The following NCKAP5 variants were observed in gnomAD, a reference collection of about 807,000 sequenced individuals.
NCKAP5 encodes nck-associated protein 5.
Under a neutral mutation model 167.0 loss-of-function variants are expected in NCKAP5, and 92 were observed. The observed-to-expected ratio is 0.55, with a 90% CI of 0.47 to 0.66. The LOEUF (loss-of-function observed/expected upper bound fraction) is 0.66. Ranked by LOEUF, NCKAP5 falls within the 30% of genes least tolerant of loss-of-function variation. The probability of loss-of-function intolerance (pLI) is 0.00; values close to 1 mark genes in which losing one functional copy is unlikely to be tolerated. For synonymous variants in NCKAP5, 891 were observed against 877.4 expected, an observed-to-expected ratio of 1.02 and a Z score of -0.27; for missense variants, 2,378 against 2,315.0, an observed-to-expected ratio of 1.03 and a Z score of -0.56.
intron 8 of NCKAP5, among the ~76,000 whole-genome samples, chr2:132,920,779 A>ATGTG (rs1227435162): frequency 4.2e-4 from 8 of 18,846 alleles, no homozygotes; most frequent in South Asian, 1.4e-3. Flanking sequence ...ATGTATATAT[A>ATGTG]TATATATATA....
chr2:132,750,769 G>C (rs1388492046), intron 16 of NCKAP5, among the ~76,000 whole-genome samples: 1 of 152,168 alleles, frequency 6.6e-6, no homozygotes, highest in Non-Finnish European at 1.5e-5. Context: ...GAAAGCCAGG[G>C]CAGCTAAGAG....
chr2:133,096,661 A>G (rs1190369165), intron 6 of NCKAP5, among the ~76,000 whole-genome samples: 1 of 152,126 alleles, frequency 6.6e-6, no homozygotes, highest in East Asian at 1.9e-4. Context: ...GAACAGTTAA[A>G]TTTATATTAA....
intron 5 of NCKAP5, among the ~76,000 whole-genome samples, chr2:133,177,183 T>TATAC (rs1553563641): frequency 0.052 from 7,425 of 142,630 alleles, 649 homozygotes; most frequent in African/African-American, 0.18. Flanking sequence ...TATATATATA[T>TATAC]ATATACTCAA....
intron 6 of NCKAP5, among the ~76,000 whole-genome samples, chr2:133,092,671 A>C (rs1354339039): frequency 6.6e-6 from 1 of 152,208 alleles, no homozygotes; most frequent in Non-Finnish European, 1.5e-5. Flanking sequence ...CTAAAGTTGC[A>C]GTTCCCAAGA....
At position 133,213,715 on chromosome 2, in the gene NCKAP5, C is replaced by A; in HGVS notation, c.207+1G>T. On this transcript the variant is annotated splice_donor_variant, in intron 5 of 19. Transcript: ENST00000409261. LOFTEE classifies it high-confidence loss of function. ...ATGAGGGGACGGCAGTCAGGACTTA[C>A]CATGGCCCCCTCACTTGTTCTTTGG... 1 of 1,613,622 alleles carries A rather than the reference C, an allele frequency of 6.2e-7. No individual in the cohort carries two copies. The highest frequency in any genetic ancestry group is 8.5e-7 in the Non-Finnish European group (1 of 1,179,758).
intron 8 of NCKAP5, among the ~76,000 whole-genome samples, chr2:132,884,134 T>C (rs1692019381): frequency 6.6e-6 from 1 of 152,222 alleles, no homozygotes. Context: ...GAATCCGTTT[T>C]AACAAACCTG....
Position 133,332,409 on chromosome 2 carries a change from A to G in NCKAP5, c.70-29299T>C, listed in dbSNP as rs890509444. The stretch of plus-strand genomic sequence containing the variant: ...TTTTTAGAATCAAAAACCAATACTT[A>G]AGAGCATATAATAATTTCAGCCAAA... On this transcript the variant is annotated intron_variant, in intron 3 of 19. Transcript: ENST00000409261. Among the ~76,000 whole-genome samples the G allele has an allele frequency of 5.8e-4, 89 of 152,240 alleles. 1 individual carries two copies. Among genetic ancestry groups the G allele is most frequent in the African/African-American group, 1.8e-3 (75 of 41,566 alleles).
intron 16 of NCKAP5, among the ~76,000 whole-genome samples, chr2:132,746,778 G>T: frequency 6.6e-6 from 1 of 151,864 alleles, no homozygotes; most frequent in East Asian, 1.9e-4. Context: ...ATACTAATGG[G>T]CAATAAAAAC....
At position 132,717,435 on chromosome 2, in the gene NCKAP5, C is replaced by T. The variant is rs111322707; in HGVS notation, c.5713+8192G>A. On this transcript the variant is annotated intron_variant, in intron 19 of 19. Coordinates refer to ENST00000409261, the MANE Select transcript of NCKAP5 (RefSeq NM_207363.3). ...GATTTGTCATCTTTAAGTAATGTGC[C>T]AGATGAATGCTTTAAAATAGATGCA... is the stretch of plus-strand genomic sequence containing the variant. Among the ~76,000 whole-genome samples the T allele has an allele frequency of 2.8e-3, 432 of 152,200 alleles. 1 individual carries two copies. The highest frequency in any genetic ancestry group is 9.9e-3 in the African/African-American group (413 of 41,516).
At chr2:133,464,755 G>C (rs1692435492) in intron 3 of NCKAP5, among the ~76,000 whole-genome samples, 1 of 152,168 alleles carries the variant, frequency 6.6e-6, no homozygotes, top group Non-Finnish European at 1.5e-5. Context: ...TGAGATGTGG[G>C]AAGAAGGCAG....
intron 1 of NCKAP5, among the ~76,000 whole-genome samples, chr2:133,560,886 C>T (rs1688109005): frequency 6.6e-6 from 1 of 152,226 alleles, no homozygotes; most frequent in Non-Finnish European, 1.5e-5. Flanking sequence ...GCCATCATCT[C>T]TCTCAGCCAT....
At chr2:133,227,041 G>T (rs906916997) in intron 4 of NCKAP5, among the ~76,000 whole-genome samples, 1 of 152,116 alleles carries the variant, frequency 6.6e-6, no homozygotes, top group Non-Finnish European at 1.5e-5. Context: ...ATTCCGACCA[G>T]GAGAATCAAG....
intron 2 of NCKAP5, among the ~76,000 whole-genome samples, chr2:133,546,803 C>T (rs748073271): frequency 1.3e-5 from 2 of 152,214 alleles, no homozygotes; most frequent in Non-Finnish European, 2.9e-5. Context: ...TTCTGCTAAC[C>T]TGGAATGCTT....
At chr2:132,957,038 C>T (rs67061818) in intron 8 of NCKAP5, among the ~76,000 whole-genome samples, 3,475 of 152,174 alleles carry the variant, frequency 0.023, 133 homozygotes, top group East Asian at 0.16. Flanking sequence ...CCCACAAGGC[C>T]GAGTGTCATC....
chr2:133,478,687 T>G (rs1188616790), intron 3 of NCKAP5, among the ~76,000 whole-genome samples: 1 of 152,200 alleles, frequency 6.6e-6, no homozygotes, highest in Non-Finnish European at 1.5e-5. Flanking sequence ...GATAGTGATT[T>G]CACTACCCTT....
chr2:133,465,246 A>C (rs62177697), intron 3 of NCKAP5, among the ~76,000 whole-genome samples: 18,863 of 146,730 alleles, frequency 0.13, 1,304 homozygotes, highest in East Asian at 0.25. Context: ...CCTATGAGTG[A>C]GAATATGCGG....
At chr2:132,930,277 G>A (rs1696267148) in intron 8 of NCKAP5, 1 of 152,182 alleles carries the variant, frequency 6.6e-6, no homozygotes, top group Non-Finnish European at 1.5e-5. Context: ...TAGTGATGAT[G>A]TGATAATTAA....
At chr2:133,317,827 C>T (rs1157812744) in intron 3 of NCKAP5, among the ~76,000 whole-genome samples, 1 of 152,184 alleles carries the variant, frequency 6.6e-6, no homozygotes, top group Non-Finnish European at 1.5e-5. Context: ...AAGCAGGACC[C>T]ATCTGGCTGG....
chr2:133,003,938 G>A (rs868763116), intron 6 of NCKAP5, among the ~76,000 whole-genome samples: 1 of 152,218 alleles, frequency 6.6e-6, no homozygotes, highest in African/African-American at 2.4e-5. Flanking sequence ...ACGGAGAGAG[G>A]CCGATTGGGA....
Sources: gnomAD v4.1 joint callset for allele counts (sites outside exome capture counted in the v4.1 genomes callset) on GRCh38, gnomAD v4.1.1 for gene constraint, MANE v1.5 for transcripts, NCBI Gene and HGNC (gene_info 2026-07-23, HGNC 2026-07-21) for gene names.